Variants in TEKT5 observed in about 807,000 individuals in gnomAD.
The protein encoded by TEKT5 is tektin-5.
TEKT5 carries 52 observed loss-of-function variants against 48.7 expected under a neutral mutation model. That is an observed-to-expected ratio of 1.07 (90% CI 0.86 to 1.35). TEKT5 has a LOEUF of 1.35. TEKT5 is among the 40% of genes most tolerant of loss of function. The probability of loss-of-function intolerance (pLI) is 0.00; values close to 1 mark genes in which losing one functional copy is unlikely to be tolerated. For synonymous variants in TEKT5, 318 were observed against 267.6 expected (o/e 1.19, Z -1.84); for missense variants, 831 against 641.6 (o/e 1.30, Z -3.19).
chr16:10,665,165 C>T (rs1158350101), intron 5 of TEKT5, among the ~76,000 whole-genome samples: 2 of 152,132 alleles, frequency 1.3e-5, no homozygotes, highest in African/African-American at 4.8e-5. Context: ...GCCAGTAGGT[C>T]CCATGCTAGC....
At chr16:10,686,419 T>C (rs1420392893) in intron 3 of TEKT5, among the ~76,000 whole-genome samples, 1 of 149,464 alleles carries the variant, frequency 6.7e-6, no homozygotes, top group Non-Finnish European at 1.5e-5. Context: ...ATTGCACCAC[T>C]GCACTCCAGC....
chr16:10,658,050 A>G (rs1898293079), intron 5 of TEKT5, among the ~76,000 whole-genome samples: 1 of 152,212 alleles, frequency 6.6e-6, no homozygotes, highest in Non-Finnish European at 1.5e-5. Flanking sequence ...CACCCACAAA[A>G]GAAACTTTGT....
chr16:10,692,299 C>G (rs1423178607), intron 1 of TEKT5, among the ~76,000 whole-genome samples: 1 of 152,128 alleles, frequency 6.6e-6, no homozygotes, highest in Non-Finnish European at 1.5e-5. Context: ...CAGGGAGAAT[C>G]TGGGGTTGTA....
At chr16:10,659,123 G>C (rs1340784649) in intron 5 of TEKT5, among the ~76,000 whole-genome samples, 1 of 152,172 alleles carries the variant, frequency 6.6e-6, no homozygotes, top group African/African-American at 2.4e-5. Flanking sequence ...CACCCCGCAA[G>C]CTGTGACAAC....
chr16:10,646,750 G>C (rs1175501605), intron 5 of TEKT5, among the ~76,000 whole-genome samples: 2 of 152,176 alleles, frequency 1.3e-5, no homozygotes, highest in Non-Finnish European at 1.5e-5. Context: ...GGAGGGCAAG[G>C]AGGCCCAGCC....
At chr16:10,671,668 G>T (rs1268886904) in intron 5 of TEKT5, 1 of 152,190 alleles carries the variant, frequency 6.6e-6, no homozygotes, top group African/African-American at 2.4e-5. Context: ...ACATACCCAA[G>T]ACTGGGATAT....
intron 5 of TEKT5, among the ~76,000 whole-genome samples, chr16:10,665,702 C>G (rs932841180): frequency 2.6e-5 from 4 of 152,188 alleles, no homozygotes; most frequent in Admixed American, 2.0e-4. Flanking sequence ...CCCAGGGACC[C>G]CTCATGCTGG....
At chr16:10,657,540 G>A (rs1898282153) in intron 5 of TEKT5, among the ~76,000 whole-genome samples, 1 of 151,870 alleles carries the variant, frequency 6.6e-6, no homozygotes, top group Admixed American at 6.6e-5. Flanking sequence ...GATTTTAAGT[G>A]GTAAATGATA....
At chr16:10,662,696 A>C (rs1334855457) in intron 5 of TEKT5, among the ~76,000 whole-genome samples, 1 of 152,142 alleles carries the variant, frequency 6.6e-6, no homozygotes, top group Non-Finnish European at 1.5e-5. Context: ...CATCCACAGC[A>C]CTGGCCCCAG....
Position 10,676,180 on chromosome 16 carries a change from T to C in TEKT5, c.865A>G (p.Ile289Val), listed in dbSNP as rs200658000. Residue 289 changes from isoleucine (I) to valine (V), a missense_variant and splice_region_variant, in exon 5 of 7, where the codon ATC becomes GTC. Coordinates refer to ENST00000283025, the MANE Select transcript of TEKT5 (RefSeq NM_144674.2). Reference protein sequence around the residue: ...FHGMEKIDGTISVPETWAKFS... With the variant: ...FHGMEKIDGTVSVPETWAKFS... ...TTGGCCCAGGTCTCAGGTACGGAGA[T>C]CCTGCAAAGGCACAAGGGTGAGTTG... The C allele has an allele frequency of 6.2e-7, 1 of 1,614,176 alleles. No individual in the cohort carries two copies. The highest frequency in any genetic ancestry group is 8.5e-7 in the Non-Finnish European group (1 of 1,180,016).
chr16:10,631,751 G>A (rs563456231), intron 6 of TEKT5, among the ~76,000 whole-genome samples: 1 of 152,294 alleles, frequency 6.6e-6, no homozygotes, highest in South Asian at 2.1e-4. Context: ...GAGCGATGCG[G>A]CTACAAGCTG....
At chr16:10,654,254 T>C (rs968442652) in intron 5 of TEKT5, among the ~76,000 whole-genome samples, 2 of 152,212 alleles carry the variant, frequency 1.3e-5, no homozygotes, top group Middle Eastern at 3.4e-3. Context: ...TTTTCCCGCG[T>C]TGGCCAGGCT....
At chr16:10,660,689 GT>G (rs1473962495) in intron 5 of TEKT5, among the ~76,000 whole-genome samples, 1 of 150,202 alleles carries the variant, frequency 6.7e-6, no homozygotes, top group African/African-American at 2.5e-5. Flanking sequence ...GTGTGTGTGT[GT>G]GTGTGTGTGT....
intron 5 of TEKT5, among the ~76,000 whole-genome samples, chr16:10,640,103 C>T (rs899290078): frequency 1.0e-4 from 7 of 69,904 alleles, no homozygotes; most frequent in East Asian, 7.1e-4. Flanking sequence ...TCCCTCTCCC[C>T]TCCTCCCGTC....
chr16:10,676,211 G>C (rs753785257), intron 4 of TEKT5, 30 bp from the exon 5 acceptor site: 4 of 1,607,176 alleles, frequency 2.5e-6, no homozygotes, highest in Admixed American at 1.7e-5. Flanking sequence ...AGTTGCAGCA[G>C]TCCTGGAAGA....
At chr16:10,640,074 C>CTTCCTTCCT (rs1567225333) in intron 5 of TEKT5, among the ~76,000 whole-genome samples, 4 of 136,554 alleles carry the variant, frequency 2.9e-5, no homozygotes, top group East Asian at 2.2e-4. Context: ...TTTCTTTCTC[C>CTTCCTTCCT]TTCTTCTCCT....
chr16:10,637,521 C>G (rs1345996115), intron 5 of TEKT5, among the ~76,000 whole-genome samples: 1 of 152,058 alleles, frequency 6.6e-6, no homozygotes, highest in Non-Finnish European at 1.5e-5. Flanking sequence ...TTTTATCTGT[C>G]AAGATATTTT....
intron 5 of TEKT5, among the ~76,000 whole-genome samples, chr16:10,675,105 T>A (rs1036444438): frequency 6.6e-6 from 1 of 152,040 alleles, no homozygotes; most frequent in Non-Finnish European, 1.5e-5. Context: ...GGATTACAGG[T>A]GTGAGCCACT....
chr16:10,641,515 G>C (rs1187248833), intron 5 of TEKT5, among the ~76,000 whole-genome samples: 1 of 152,186 alleles, frequency 6.6e-6, no homozygotes, highest in Non-Finnish European at 1.5e-5. Flanking sequence ...CATGTTTGGA[G>C]TTGGGCAGTA....
Sources: allele counts gnomAD v4.1 joint callset (sites outside exome capture counted in the v4.1 genomes callset), GRCh38; gene constraint gnomAD v4.1.1; transcripts MANE v1.5; gene names NCBI Gene and HGNC (gene_info 2026-07-23, HGNC 2026-07-21).